The following ZFR variants were observed in gnomAD, a reference collection of about 807,000 sequenced individuals.
ZFR encodes zinc finger RNA-binding protein.
In ZFR, 19 loss-of-function variants were observed where a neutral mutation model predicts 130.7. That is an observed-to-expected ratio of 0.15 (90% CI 0.10 to 0.21). The LOEUF (loss-of-function observed/expected upper bound fraction) is 0.21. ZFR is among the 10% of genes least tolerant of loss of function. The pLI is 1.00. For synonymous variants in ZFR, 466 were observed against 456.9 expected, an observed-to-expected ratio of 1.02 and a Z score of -0.25; for missense variants, 872 against 1,321.5, an observed-to-expected ratio of 0.66 and a Z score of 5.27.
At chr5:32,438,867 A>G (rs1054728185) in intron 2 of ZFR, among the ~76,000 whole-genome samples, 4 of 152,192 alleles carry the variant, frequency 2.6e-5, no homozygotes, top group East Asian at 3.8e-4. Flanking sequence ...AGAAAATTTT[A>G]TATTTAAACT....
chr5:32,417,112 GTC>G (rs112408001), intron 4 of ZFR, among the ~76,000 whole-genome samples: 55,572 of 123,650 alleles, frequency 0.45, 11,472 homozygotes, highest in East Asian at 0.6. Flanking sequence ...AAATTATCAA[GTC>G]TCTCTCTAAA....
At chr5:32,406,594 A>G in intron 6 of ZFR, 180 bp downstream of exon 6, 1 of 806,798 alleles carries the variant, frequency 1.2e-6, no homozygotes, top group Non-Finnish European at 1.7e-6. Context: ...AGTCACAATC[A>G]TCTTTACAGT....
chr5:32,434,907 T>A (rs1754301040), intron 2 of ZFR, among the ~76,000 whole-genome samples: 1 of 152,082 alleles, frequency 6.6e-6, no homozygotes, highest in Non-Finnish European at 1.5e-5. Context: ...AATGAAGTAC[T>A]CTGTAACTTT....
At chr5:32,368,335 A>G (rs1752592576) in intron 17 of ZFR, among the ~76,000 whole-genome samples, 1 of 152,226 alleles carries the variant, frequency 6.6e-6, no homozygotes, top group Non-Finnish European at 1.5e-5. Flanking sequence ...TCCCAGGTTC[A>G]AGCGGTTCTC....
In ZFR at chr5:32,403,954, T is replaced by G. The variant is rs551383686; in HGVS notation, c.1176A>C (p.Thr392=). ...LRCELCDVSC[T]GADAYAAHIR... is the part of the protein sequence containing the mutation. ...TGTGGGCAGCATACGCATCTGCTCCTGTACAAGACACATCGCAGAGCTCAC... is the reference window on the plus strand; with the variant it reads ...TGTGGGCAGCATACGCATCTGCTCCGGTACAAGACACATCGCAGAGCTCAC... Residue 392 remains threonine (T), a synonymous_variant, in exon 7 of 20, where the codon ACA becomes ACC. Transcript: ENST00000265069. The G allele has an allele frequency of 5.0e-6, 8 of 1,608,750 alleles. No homozygotes were observed. Among genetic ancestry groups the G allele is most frequent in the Admixed American group, 1.7e-5 (1 of 59,150 alleles).
At chr5:32,442,100 G>GA (rs1160184287) in intron 2 of ZFR, among the ~76,000 whole-genome samples, 3 of 152,040 alleles carry the variant, frequency 2.0e-5, no homozygotes, top group Non-Finnish European at 4.4e-5. Flanking sequence ...CTGCATTTAG[G>GA]AAAAACATTT....
chr5:32,413,792 A>C (rs556603911), intron 5 of ZFR, among the ~76,000 whole-genome samples: 91 of 152,370 alleles, frequency 6.0e-4, no homozygotes, highest in African/African-American at 2.1e-3. Context: ...AGATCTAGGA[A>C]TCATAAATTC....
chr5:32,397,396 A>AC, intron 9 of ZFR, 58 bp from the exon 10 acceptor site: 1 of 1,572,192 alleles, frequency 6.4e-7, no homozygotes, highest in Non-Finnish European at 8.6e-7. Flanking sequence ...TCATTCATAA[A>AC]CCCCCACATA....
chr5:32,404,462 C>T (rs573792602), intron 6 of ZFR, among the ~76,000 whole-genome samples: 44 of 152,100 alleles, frequency 2.9e-4, no homozygotes, highest in East Asian at 9.6e-4. Context: ...TAAGATGAGG[C>T]GGGGGAGATG....
At chr5:32,368,520 G>A (rs565384092) in intron 17 of ZFR, among the ~76,000 whole-genome samples, 1 of 152,308 alleles carries the variant, frequency 6.6e-6, no homozygotes, top group East Asian at 1.9e-4. Flanking sequence ...ACAGGTGTGA[G>A]CCATTGCACC....
chr5:32,402,875 A>T (rs1289211178), intron 8 of ZFR, among the ~76,000 whole-genome samples: 4 of 151,642 alleles, frequency 2.6e-5, no homozygotes, highest in African/African-American at 9.7e-5. Flanking sequence ...TTTTTTTTTT[A>T]AATGACTAGA....
At chr5:32,365,229 T>C (rs1752517059) in intron 17 of ZFR, among the ~76,000 whole-genome samples, 1 of 152,156 alleles carries the variant, frequency 6.6e-6, no homozygotes, top group Non-Finnish European at 1.5e-5. Context: ...CACTATGAAA[T>C]CCTTAAGATG....
chr5:32,436,205 G>A (rs1176123166), intron 2 of ZFR, among the ~76,000 whole-genome samples: 1 of 130,312 alleles, frequency 7.7e-6, no homozygotes, highest in Non-Finnish European at 1.5e-5. Context: ...CTGGAGTGCA[G>A]TGGCGCGATC....
intron 2 of ZFR, among the ~76,000 whole-genome samples, chr5:32,431,735 A>AC (rs1754223965): frequency 6.6e-6 from 1 of 151,540 alleles, no homozygotes; most frequent in Non-Finnish European, 1.5e-5. Flanking sequence ...GAAACTACTG[A>AC]CATTTAAATG....
At chr5:32,357,676 G>C (rs1042617993) in intron 19 of ZFR, among the ~76,000 whole-genome samples, 1 of 152,108 alleles carries the variant, frequency 6.6e-6, no homozygotes, top group African/African-American at 2.4e-5. Flanking sequence ...ATGACTTCCT[G>C]TATTTACAGC....
At chr5:32,409,699 C>A (rs1753656494) in intron 5 of ZFR, among the ~76,000 whole-genome samples, 1 of 152,230 alleles carries the variant, frequency 6.6e-6, no homozygotes. Context: ...AGCCACCGCA[C>A]CTGCATCCGA....
At chr5:32,362,473 C>T (rs1399459528) in intron 19 of ZFR, among the ~76,000 whole-genome samples, 2 of 152,212 alleles carry the variant, frequency 1.3e-5, no homozygotes, top group African/African-American at 4.8e-5. Context: ...GAAATTGACA[C>T]TGGTACTTCA....
rs1023762473 is a variant in ZFR at position 32,407,019 on chromosome 5, T to C, written c.787A>G (p.Thr263Ala). Residue 263 changes from threonine (T) to alanine (A), a missense_variant and splice_region_variant, in exon 6 of 20, where the codon ACG (threonine) becomes GCG (alanine). By Grantham distance (58) the Thr-to-Ala change is moderately conservative. Transcript: ENST00000265069. ...GCTGCTTCATAACCTGAATAAGACG[T>C]ACCTTACAAATAAAAATCAAACAAA... ...YSTTAVTYSG[T>A]SYSGYEAAVY... 2 of 1,488,762 alleles carry C rather than the reference T, an allele frequency of 1.3e-6. No individual in the cohort carries two copies. The highest frequency in any genetic ancestry group is 8.9e-7 in the Non-Finnish European group (1 of 1,119,356). The allele number at this position is 1,488,762 out of a possible 1,614,324, so 92.2% of individuals were successfully genotyped here. A position where few individuals can be genotyped will look rare whatever the true frequency, so the allele number is the denominator to read the frequency against.
chr5:32,442,464 G>A (rs1297444234), intron 2 of ZFR, among the ~76,000 whole-genome samples: 1 of 152,158 alleles, frequency 6.6e-6, no homozygotes, highest in Non-Finnish European at 1.5e-5. Flanking sequence ...TTTTATCAAA[G>A]TAGCTGAAAC....
Sources: allele counts gnomAD v4.1 joint callset (sites outside exome capture counted in the v4.1 genomes callset), GRCh38; gene constraint gnomAD v4.1.1; transcripts MANE v1.5; gene names NCBI Gene and HGNC (gene_info 2026-07-23, HGNC 2026-07-21).